The following FAT2 variants were observed in gnomAD, a reference collection of about 807,000 sequenced individuals.
The protein encoded by FAT2 is protocadherin Fat 2.
FAT2 carries 150 observed loss-of-function variants against 295.3 expected under a neutral mutation model. The ratio of observed to expected loss-of-function variants is 0.51; its 90% CI spans 0.44 to 0.58. The LOEUF (loss-of-function observed/expected upper bound fraction) is 0.58. FAT2 is among the 20% of genes least tolerant of loss of function. The pLI is 0.00. For synonymous variants in FAT2, 2,026 were observed against 2,150.3 expected (o/e 0.94, Z 1.60); for missense variants, 4,868 against 5,442.7 (o/e 0.89, Z 3.32).
chr5:151,516,540 A>G (rs890488525), intron 20 of FAT2, among the ~76,000 whole-genome samples: 13 of 152,054 alleles, frequency 8.5e-5, no homozygotes, highest in Non-Finnish European at 2.9e-5. Context: ...TAAAAATTGC[A>G]ACTCTCCTCA....
chr5:151,593,233 G>C (rs770983960), upstream of FAT2, among the ~76,000 whole-genome samples: 1 of 152,232 alleles, frequency 6.6e-6, no homozygotes, highest in Non-Finnish European at 1.5e-5. Flanking sequence ...GCATTAACCA[G>C]AGGAAGGGTG....
At position 151,547,497 on chromosome 5, in the gene FAT2, C is replaced by G. The variant is rs1030452304; in HGVS notation, c.4790-1160G>C. On this transcript the variant is annotated intron_variant, in intron 9 of 23. Coordinates refer to ENST00000261800, the MANE Select transcript of FAT2 (RefSeq NM_001447.3). The stretch of plus-strand genomic sequence containing the variant: ...TACTGCACTTTACATGTCTTATTCC[C>G]TCTATCACGTGAGAGCATATTTTAT... Among the ~76,000 whole-genome samples the G allele has an allele frequency of 5.9e-5, 9 of 152,344 alleles. No homozygotes were observed. The East Asian group carries it at 1.3e-3, about 23-fold the overall frequency.
chr5:151,534,847 A>G (rs942438893), intron 12 of FAT2, among the ~76,000 whole-genome samples: 1 of 151,654 alleles, frequency 6.6e-6, no homozygotes, highest in Admixed American at 6.6e-5. Flanking sequence ...ACTTCATCAC[A>G]TTGCCAGTTT....
chr5:151,537,199 GAAA>G (rs1359997776), intron 12 of FAT2, among the ~76,000 whole-genome samples: 1 of 147,560 alleles, frequency 6.8e-6, no homozygotes, highest in African/African-American at 2.4e-5. Context: ...GAGAGAGAGA[GAAA>G]GAAGAAGAGG....
At chr5:151,533,157 A>C (rs1754838860) in intron 13 of FAT2, among the ~76,000 whole-genome samples, 1 of 152,180 alleles carries the variant, frequency 6.6e-6, no homozygotes, top group African/African-American at 2.4e-5. Context: ...GTCCCACTTG[A>C]TAATGGCCTG....
chr5:151,583,285 G>A (rs1759035655), intron 1 of FAT2, among the ~76,000 whole-genome samples: 1 of 152,224 alleles, frequency 6.6e-6, no homozygotes, highest in African/African-American at 2.4e-5. Flanking sequence ...GCCCCAAATT[G>A]GAAACAAACC....
chr5:151,535,490 G>A (rs1407807945), intron 12 of FAT2, among the ~76,000 whole-genome samples: 1 of 152,114 alleles, frequency 6.6e-6, no homozygotes, highest in Non-Finnish European at 1.5e-5. Flanking sequence ...ACACAGGGCG[G>A]TTCCTGGAGG....
chr5:151,560,013 C>G (rs1475643230), intron 3 of FAT2, among the ~76,000 whole-genome samples: 2 of 152,204 alleles, frequency 1.3e-5, no homozygotes, highest in Admixed American at 1.3e-4. Context: ...CCCCAACACC[C>G]TATCTCAGAC....
intron 12 of FAT2, among the ~76,000 whole-genome samples, chr5:151,537,317 AAG>A (rs1177884350): frequency 1.2e-4 from 11 of 93,288 alleles, no homozygotes; most frequent in East Asian, 3.1e-4. Flanking sequence ...AAGAAAAAGA[AAG>A]AGAAAAAAAG....
chr5:151,535,295 TCTC>T (rs761638051), intron 12 of FAT2, among the ~76,000 whole-genome samples: 1 of 151,984 alleles, frequency 6.6e-6, no homozygotes, highest in African/African-American at 2.4e-5. Flanking sequence ...TCTTTGACCT[TCTC>T]CTGCTCTCCT....
At position 151,543,996 on chromosome 5, in the gene FAT2, T is replaced by G; in HGVS notation, c.7131A>C (p.Pro2377=). The change falls in exon 10 of 24, where the codon CCA becomes CCC. Residue 2377 remains proline, a synonymous_variant. Transcript: ENST00000261800. The stretch of plus-strand genomic sequence containing the variant: ...CTTCATATTGAGGTTGTCTGAACTC[T>G]GGGGGGTTGTCATTGATATCAGACA... ...VNVSDINDNP[P]EFRQPQYEAN... 1.9e-6 allele frequency: 3 copies of G among 1,614,198 alleles called. No individual in the cohort carries two copies. Among genetic ancestry groups the G allele is most frequent in the African/African-American group, 2.7e-5 (2 of 75,056 alleles).
intron 20 of FAT2, among the ~76,000 whole-genome samples, chr5:151,514,086 A>G (rs1001440635): frequency 6.6e-6 from 1 of 152,190 alleles, no homozygotes; most frequent in Non-Finnish European, 1.5e-5. Flanking sequence ...GATCTAACCC[A>G]GTGTTTCTTA....
rs771427024 is a variant in FAT2 at position 151,544,129 on chromosome 5, G to T, written c.6998C>A (p.Thr2333Lys). 6.2e-7 allele frequency: 1 copy of T among 1,614,208 alleles called. No individual in the cohort carries two copies. Among genetic ancestry groups the T allele is most frequent in the Non-Finnish European group, 8.5e-7 (1 of 1,180,032 alleles). Residue 2333 changes from threonine (T) to lysine (K), a missense_variant, in exon 10 of 24, where the codon ACA (threonine) becomes AAA (lysine). Thr to Lys is a moderately conservative substitution (Grantham distance 78, BLOSUM62 -1). This residue lies in a region of FAT2 where 3,297 missense variants were observed against 3,669.4 expected (regional missense o/e 0.90). Coordinates refer to ENST00000261800, the MANE Select transcript of FAT2 (RefSeq NM_001447.3). ...GGCTTCATAATCCAGTTCTTGAACT[G>T]TGGACATCTCCCCTGTGCTCCCATT... The part of the protein sequence containing the change: ...QINGSTGEMS[T>K]VQELDYEAQQ...
chr5:151,512,591 G>C lies in FAT2; in HGVS notation c.11479C>G (p.Pro3827Ala). 1 of 1,608,084 alleles carries C rather than the reference G, an allele frequency of 6.2e-7. No homozygotes were observed. Among genetic ancestry groups the C allele is most frequent in the African/African-American group, 1.3e-5 (1 of 74,876 alleles). Residue 3827 changes from proline to alanine, a missense_variant, in exon 21 of 24, where the codon CCC becomes GCC. Physicochemically the swap from Pro to Ala is conservative, Grantham distance 27. Around this residue, in one of 5 missense-constraint regions of FAT2, gnomAD observed 1,046 missense variants for 1,210.1 expected, o/e 0.86. Transcript: ENST00000261800. The surrounding 1 kb of genome is among the most constrained non-coding windows in gnomAD (Gnocchi z 4.1). ...SVSLKLASGV[P>A]QLEYHCLGGF... ...CCCAGACAGTGGTATTCCAGCTGGGGCACTCCACTGGCCAGCTGCAAAGGA... is the reference window on the plus strand; with the variant it reads ...CCCAGACAGTGGTATTCCAGCTGGGCCACTCCACTGGCCAGCTGCAAAGGA...
At chr5:151,569,707 G>A (rs982377811) in intron 1 of FAT2, among the ~76,000 whole-genome samples, 3 of 152,194 alleles carry the variant, frequency 2.0e-5, no homozygotes, top group African/African-American at 4.8e-5. Flanking sequence ...CTCCTTGGGC[G>A]ATGGTGAGAT....
At chr5:151,553,117 A>C in intron 6 of FAT2, 60 bp downstream of exon 6, 50 of 1,522,716 alleles carry the variant, frequency 3.3e-5, no homozygotes, top group Non-Finnish European at 4.1e-5. Flanking sequence ...CAGGAAAACT[A>C]GAGCTGGTGT....
intron 4 of FAT2, among the ~76,000 whole-genome samples, chr5:151,555,042 A>G (rs1757562950): frequency 6.6e-6 from 1 of 152,216 alleles, no homozygotes; most frequent in Non-Finnish European, 1.5e-5. Context: ...AAAATAAATG[A>G]GAAAATGTTG....
At position 151,522,448 on chromosome 5, in the gene FAT2, T is replaced by A. The variant is rs77231871; in HGVS notation, c.10507-362A>T. Among the ~76,000 whole-genome samples the A allele has an allele frequency of 1.9e-3, 286 of 152,266 alleles. 1 individual carries two copies. Among genetic ancestry groups the A allele is most frequent in the African/African-American group, 6.4e-3 (264 of 41,566 alleles). On this transcript the variant is annotated intron_variant, in intron 18 of 23. Coordinates refer to ENST00000261800, the MANE Select transcript of FAT2 (RefSeq NM_001447.3). Reference sequence around the variant, plus strand: ...TCTGTCCCTGTCCTCAAGGGCGCCCTCAGATGTCTCAGCAATTCTGATGCA... The same window carrying A: ...TCTGTCCCTGTCCTCAAGGGCGCCCACAGATGTCTCAGCAATTCTGATGCA...
rs766429857 is a variant in FAT2 at position 151,546,207 on chromosome 5, C to A, written c.4920G>T (p.Trp1640Cys). The A allele has an allele frequency of 6.2e-7, 1 of 1,614,140 alleles. No homozygotes were observed. Among genetic ancestry groups the A allele is most frequent in the South Asian group, 1.1e-5 (1 of 91,078 alleles). The change falls in exon 10 of 24, where the codon TGG becomes TGT. Residue 1640 changes from tryptophan (W) to cysteine (C), a missense_variant. Coordinates refer to ENST00000261800, the MANE Select transcript of FAT2 (RefSeq NM_001447.3). The stretch of plus-strand genomic sequence containing the variant: ...GAATGATCACTGTAGCCAGGTCATG[C>A]CATTGTGGGGAGCCTTGATCTTCTG... ...VKAEDQGSPQWHDLATVIIHV... is the reference protein window; with the variant it reads ...VKAEDQGSPQCHDLATVIIHV...
Sources: gnomAD v4.1 joint callset for allele counts (sites outside exome capture counted in the v4.1 genomes callset) on GRCh38, gnomAD v4.1.1 for gene constraint, gnomAD v4.1.1 regional missense constraint, Gnocchi (gnomAD v3.1) non-coding constraint, MANE v1.5 for transcripts, NCBI Gene and HGNC (gene_info 2026-07-23, HGNC 2026-07-21) for gene names.